Variants in NKAIN2 observed in about 807,000 individuals in gnomAD.
NKAIN2 encodes sodium/potassium-transporting ATPase subunit beta-1-interacting protein 2.
In NKAIN2, 14 loss-of-function variants were observed where a neutral mutation model predicts 32.6. The ratio of observed to expected loss-of-function variants is 0.43; its 90% CI spans 0.28 to 0.67. NKAIN2 has a LOEUF of 0.67. NKAIN2 is among the 30% of genes least tolerant of loss of function. NKAIN2 has a pLI of 0.17. For missense variants in NKAIN2, 198 were observed against 258.3 expected (o/e 0.77, Z 1.60); for synonymous variants, 80 against 87.2 (o/e 0.92, Z 0.46).
intron 3 of NKAIN2, among the ~76,000 whole-genome samples, chr6:124,445,262 C>G (rs758665910): frequency 2.0e-5 from 3 of 152,028 alleles, no homozygotes; most frequent in Non-Finnish European, 4.4e-5. Flanking sequence ...ATATCATTCA[C>G]TTTTTGGTTT....
chr6:124,029,316 A>G (rs1781299684), intron 1 of NKAIN2, among the ~76,000 whole-genome samples: 2 of 151,886 alleles, frequency 1.3e-5, no homozygotes, highest in Admixed American at 1.3e-4. Flanking sequence ...GTCAATAATC[A>G]TATTCATACA....
intron 2 of NKAIN2, among the ~76,000 whole-genome samples, chr6:124,317,048 C>A (rs1796983492): frequency 1.3e-5 from 2 of 152,096 alleles, no homozygotes; most frequent in South Asian, 4.1e-4. Context: ...GCTTATAGTC[C>A]CAGCTGCTCT....
intron 1 of NKAIN2, among the ~76,000 whole-genome samples, chr6:124,161,961 T>TAAATA (rs1391136481): frequency 1.3e-5 from 2 of 152,054 alleles, no homozygotes; most frequent in Non-Finnish European, 2.9e-5. Context: ...TTCTAAAAAA[T>TAAATA]AAATAAAATA....
intron 2 of NKAIN2, among the ~76,000 whole-genome samples, chr6:124,303,056 T>C (rs1384875373): frequency 1.3e-5 from 2 of 152,146 alleles, no homozygotes; most frequent in Admixed American, 6.5e-5. Context: ...AATTTAAAAT[T>C]AGATGGGGTA....
At chr6:124,233,940 T>C (rs1239083367) in intron 1 of NKAIN2, among the ~76,000 whole-genome samples, 1 of 152,178 alleles carries the variant, frequency 6.6e-6, no homozygotes, top group Non-Finnish European at 1.5e-5. Context: ...CAACCCATGT[T>C]TGCTTTTGAG....
intron 3 of NKAIN2, among the ~76,000 whole-genome samples, chr6:124,628,332 G>A (rs1783436048): frequency 6.6e-6 from 1 of 151,870 alleles, no homozygotes; most frequent in Non-Finnish European, 1.5e-5. Context: ...AATTACTTAT[G>A]TTGTTTGACT....
At chr6:124,220,722 G>C (rs1791770843) in intron 1 of NKAIN2, among the ~76,000 whole-genome samples, 1 of 151,604 alleles carries the variant, frequency 6.6e-6, no homozygotes, top group South Asian at 2.1e-4. Flanking sequence ...ATATATGTTT[G>C]TTTGTTAATT....
chr6:124,020,472 A>G (rs1780813311), intron 1 of NKAIN2, among the ~76,000 whole-genome samples: 1 of 152,160 alleles, frequency 6.6e-6, no homozygotes, highest in Non-Finnish European at 1.5e-5. Flanking sequence ...TTTTGATTAC[A>G]GTAGAAGTCG....
intron 1 of NKAIN2, among the ~76,000 whole-genome samples, chr6:124,195,765 C>A (rs1790284036): frequency 1.3e-5 from 2 of 151,962 alleles, no homozygotes; most frequent in South Asian, 4.1e-4. Context: ...GTTAATTGCT[C>A]CTTTGTTAAA....
At chr6:124,749,245 C>T (rs1047183277) in intron 4 of NKAIN2, among the ~76,000 whole-genome samples, 1 of 151,680 alleles carries the variant, frequency 6.6e-6, no homozygotes, top group Non-Finnish European at 1.5e-5. Flanking sequence ...CTCTCTGACC[C>T]AAGCTGGGAA....
intron 4 of NKAIN2, among the ~76,000 whole-genome samples, chr6:124,697,394 T>C (rs1160606597): frequency 6.6e-6 from 1 of 152,216 alleles, no homozygotes; most frequent in East Asian, 1.9e-4. Context: ...AGTGGCTCAT[T>C]AACCATGTAA....
chr6:124,079,424 T>G (rs888921136), intron 1 of NKAIN2, among the ~76,000 whole-genome samples: 1 of 152,188 alleles, frequency 6.6e-6, no homozygotes, highest in Admixed American at 6.6e-5. Context: ...AAATCACTAA[T>G]AAAAATATAT....
chr6:124,395,546 C>G (rs990872234), intron 3 of NKAIN2, among the ~76,000 whole-genome samples: 1 of 152,092 alleles, frequency 6.6e-6, no homozygotes, highest in African/African-American at 2.4e-5. Context: ...AATTGAGATA[C>G]TCATGGATGT....
Position 124,130,217 on chromosome 6 carries a change from G to A in NKAIN2, c.55-152788G>A, listed in dbSNP as rs190333077. ...TTGGATCCCATTACCCAGGCAAAGG[G>A]GGTGGTATTTTGGACAACAAAAGCA... On this transcript the variant is annotated intron_variant, in intron 1 of 6. Coordinates refer to ENST00000368417, the MANE Select transcript of NKAIN2 (RefSeq NM_001040214.3). Among the ~76,000 whole-genome samples, 445 of 152,254 alleles carry A rather than the reference G, an allele frequency of 2.9e-3. 4 individuals carry two copies. The highest frequency in any genetic ancestry group is 0.01 in the African/African-American group (426 of 41,546).
rs1181938813 is a variant in NKAIN2 at position 124,319,874 on chromosome 6, T to G, written c.193-35393T>G. ...ATTGTTAATTCTATACTTTTCACAT[T>G]TAATTTTACAAGTCTAATTAGTATC... On this transcript the variant is annotated intron_variant, in intron 2 of 6. Coordinates refer to ENST00000368417, the MANE Select transcript of NKAIN2 (RefSeq NM_001040214.3). 4.6e-5 allele frequency among the ~76,000 whole-genome samples: 7 copies of G among 152,270 alleles called. No homozygotes were observed. The East Asian group carries it at 1.4e-3, about 29-fold the overall frequency.
chr6:123,837,486 A>G (rs891251239), intron 1 of NKAIN2, among the ~76,000 whole-genome samples: 3 of 152,120 alleles, frequency 2.0e-5, no homozygotes, highest in Non-Finnish European at 4.4e-5. Context: ...CCTTTAAAAT[A>G]TATCCAGAAT....
chr6:124,426,333 C>G (rs952881359), intron 3 of NKAIN2, among the ~76,000 whole-genome samples: 5 of 152,100 alleles, frequency 3.3e-5, no homozygotes, highest in African/African-American at 1.2e-4. Flanking sequence ...AATGATAAAA[C>G]TGACTTTACT....
At chr6:124,093,862 G>T (rs1471448352) in intron 1 of NKAIN2, among the ~76,000 whole-genome samples, 2 of 152,118 alleles carry the variant, frequency 1.3e-5, no homozygotes, top group African/African-American at 4.8e-5. Flanking sequence ...GAAAGCCAGA[G>T]AAACTAAAGG....
chr6:124,009,383 T>A (rs1219591342), intron 1 of NKAIN2, among the ~76,000 whole-genome samples: 2 of 152,232 alleles, frequency 1.3e-5, no homozygotes, highest in Non-Finnish European at 2.9e-5. Context: ...GAGCTATCAT[T>A]GTATTCTAAA....
Sources: gnomAD v4.1 joint callset for allele counts (sites outside exome capture counted in the v4.1 genomes callset) on GRCh38, gnomAD v4.1.1 for gene constraint, MANE v1.5 for transcripts, NCBI Gene and HGNC (gene_info 2026-07-23, HGNC 2026-07-21) for gene names.